PIAS1: variants seen among roughly 807,000 people sequenced by gnomAD.
PIAS1 encodes the protein E3 SUMO-protein ligase PIAS1.
Under a neutral mutation model 71.3 loss-of-function variants are expected in PIAS1, and 6 were observed. The observed-to-expected ratio is 0.08, with a 90% CI of 0.05 to 0.17. The LOEUF (loss-of-function observed/expected upper bound fraction) is 0.17. Among genes scored for constraint, PIAS1 ranks in the 10% least tolerant of loss-of-function variants. The probability of loss-of-function intolerance (pLI) is 1.00; values close to 1 mark genes in which losing one functional copy is unlikely to be tolerated. For missense variants in PIAS1, 555 were observed against 793.6 expected, an observed-to-expected ratio of 0.70 and a Z score of 3.61; for synonymous variants, 303 against 292.9, an observed-to-expected ratio of 1.03 and a Z score of -0.35.
intron 1 of PIAS1, among the ~76,000 whole-genome samples, chr15:68,080,204 T>C (rs1335060768): frequency 6.6e-6 from 1 of 152,174 alleles, no homozygotes; most frequent in Non-Finnish European, 1.5e-5. Context: ...TCATGAAATG[T>C]GGTAGTATAT....
Position 68,086,956 on chromosome 15 carries a change from G to T in PIAS1, c.469+206G>T, listed in dbSNP as rs2092288628. Among the ~76,000 whole-genome samples, 1 of 152,104 alleles carries T rather than the reference G, an allele frequency of 6.6e-6. No individual in the cohort carries two copies. Among genetic ancestry groups the T allele is most frequent in the African/African-American group, 2.4e-5 (1 of 41,404 alleles). On this transcript the variant is annotated intron_variant, in intron 2 of 13. Transcript: ENST00000249636. The surrounding 1 kb of genome is among the most constrained non-coding windows in gnomAD (Gnocchi z 7.2). ...AAAAGGTAGTATAGTGATGGTTACT[G>T]ACAAAGTAAATATTAAAAAGTTTCA...
At chr15:68,175,561 GAATA>G in intron 9 of PIAS1, 72 bp from the exon 10 acceptor site, 1 of 716,924 alleles carries the variant, frequency 1.4e-6, no homozygotes, top group Non-Finnish European at 2.0e-6. Flanking sequence ...TAGATTTTAA[GAATA>G]AATATAACTT....
intron 2 of PIAS1, among the ~76,000 whole-genome samples, chr15:68,093,457 A>C (rs1052233560): frequency 3.3e-5 from 5 of 152,206 alleles, no homozygotes; most frequent in African/African-American, 1.2e-4. Flanking sequence ...TGTTCTATAA[A>C]GGGAATGGAG....
intron 4 of PIAS1, among the ~76,000 whole-genome samples, chr15:68,143,680 G>A (rs1224670944): frequency 2.6e-5 from 4 of 152,048 alleles, no homozygotes; most frequent in African/African-American, 9.7e-5. Flanking sequence ...TTTACTTCCT[G>A]CCTCAACAGT....
chr15:68,178,790 T>C lies in PIAS1; in HGVS notation c.1481+2136T>C, dbSNP rs2093035418. On this transcript the variant is annotated intron_variant, in intron 11 of 13. Transcript: ENST00000249636. This position sits in a 1 kb window ranked among gnomAD's most constrained non-coding sequence, Gnocchi z 4.2. ...TAAACTATGCAATAGTATTACTGAC[T>C]ATATATTTTTTCTTTAAAGAAAACA... Among the ~76,000 whole-genome samples the C allele has an allele frequency of 6.6e-6, 1 of 150,786 alleles. No individual in the cohort carries two copies. The highest frequency in any genetic ancestry group is 2.5e-5 in the African/African-American group (1 of 40,312).
At chr15:68,128,582 A>T (rs991055584) in intron 2 of PIAS1, among the ~76,000 whole-genome samples, 8 of 152,154 alleles carry the variant, frequency 5.3e-5, no homozygotes, top group Non-Finnish European at 8.8e-5. Flanking sequence ...TCTAAAAAAA[A>T]ATTTTTTTTG....
chr15:68,174,948 G>C lies in PIAS1; in HGVS notation c.1170-689G>C, dbSNP rs1030098104. Among the ~76,000 whole-genome samples the C allele has an allele frequency of 6.6e-6, 1 of 152,056 alleles. No homozygotes were observed. Among genetic ancestry groups the C allele is most frequent in the African/African-American group, 2.4e-5 (1 of 41,390 alleles). On this transcript the variant is annotated intron_variant, in intron 9 of 13. Transcript: ENST00000249636. This position sits in a 1 kb window ranked among gnomAD's most constrained non-coding sequence, Gnocchi z 4.0. Reference sequence around the variant, plus strand: ...ATAGTGATATTTTCCAACTTTATATGTTACATAGCTTTAGGTTCTCCCATT... The same window carrying C: ...ATAGTGATATTTTCCAACTTTATATCTTACATAGCTTTAGGTTCTCCCATT...
chr15:68,130,178 G>C (rs2092680293), intron 2 of PIAS1, among the ~76,000 whole-genome samples: 1 of 151,504 alleles, frequency 6.6e-6, no homozygotes, highest in Non-Finnish European at 1.5e-5. Context: ...TAAAAATAAA[G>C]ATTTTTTAAA....
At chr15:68,176,137 G>T (rs2093018815) in intron 10 of PIAS1, among the ~76,000 whole-genome samples, 2 of 151,970 alleles carry the variant, frequency 1.3e-5, no homozygotes, top group Non-Finnish European at 2.9e-5. Context: ...AAGACACTAT[G>T]AGTTTTGAAA....
At chr15:68,155,482 T>C (rs2092882801) in intron 7 of PIAS1, among the ~76,000 whole-genome samples, 1 of 122,218 alleles carries the variant, frequency 8.2e-6, no homozygotes, top group African/African-American at 2.7e-5. Flanking sequence ...ACCAAAAACT[T>C]TCCCAACAAA....
At chr15:68,069,986 G>T (rs1231059149) in intron 1 of PIAS1, among the ~76,000 whole-genome samples, 3 of 152,160 alleles carry the variant, frequency 2.0e-5, no homozygotes, top group Admixed American at 6.5e-5. Context: ...TAAATGCATT[G>T]TTAAAGTTTA....
chr15:68,107,316 C>G (rs1355432460), intron 2 of PIAS1, among the ~76,000 whole-genome samples: 1 of 152,186 alleles, frequency 6.6e-6, no homozygotes, highest in Non-Finnish European at 1.5e-5. Context: ...CACTTCCTAT[C>G]ACCTCACTCT....
At chr15:68,103,875 T>G (rs1403555645) in intron 2 of PIAS1, among the ~76,000 whole-genome samples, 2 of 152,256 alleles carry the variant, frequency 1.3e-5, no homozygotes, top group African/African-American at 4.8e-5. Flanking sequence ...CTGAGTTGTT[T>G]CCACTTTTTG....
chr15:68,179,649 C>G (rs2093042245), intron 11 of PIAS1, among the ~76,000 whole-genome samples: 1 of 137,736 alleles, frequency 7.3e-6, no homozygotes, highest in Non-Finnish European at 1.5e-5. Flanking sequence ...CATCTTGGCT[C>G]ACCACACCCT....
chr15:68,142,848 A>G (rs560604875), intron 4 of PIAS1, among the ~76,000 whole-genome samples: 4 of 152,176 alleles, frequency 2.6e-5, no homozygotes, highest in African/African-American at 9.6e-5. Context: ...ACAAACATCA[A>G]AATATTCTAA....
intron 2 of PIAS1, among the ~76,000 whole-genome samples, chr15:68,130,889 T>C (rs1356492058): frequency 6.6e-6 from 1 of 152,176 alleles, no homozygotes; most frequent in Non-Finnish European, 1.5e-5. Flanking sequence ...GATGTAATAA[T>C]AGCTAACATT....
Position 68,128,195 on chromosome 15 carries a change from TCA to T in PIAS1, c.470-13749_470-13748del, listed in dbSNP as rs557365839. 1.5e-3 allele frequency among the ~76,000 whole-genome samples: 226 copies of T among 152,324 alleles called. 4 individuals carry two copies. The highest frequency in any genetic ancestry group is 5.2e-3 in the African/African-American group (215 of 41,572). On this transcript the variant is annotated intron_variant, in intron 2 of 13. Transcript: ENST00000249636. ...TTTACTTATTTTTTGAGATAGGGAC[TCA>T]CTCTGCCGCCCATACTAGAGTGCAG...
At chr15:68,159,670 T>C (rs1313658349) in intron 7 of PIAS1, among the ~76,000 whole-genome samples, 1 of 152,206 alleles carries the variant, frequency 6.6e-6, no homozygotes, top group Non-Finnish European at 1.5e-5. Context: ...ATTTATGTAC[T>C]ATAATTTATC....
At chr15:68,160,274 A>C (rs1233958176) in intron 7 of PIAS1, among the ~76,000 whole-genome samples, 2 of 152,084 alleles carry the variant, frequency 1.3e-5, no homozygotes, top group Admixed American at 6.6e-5. Context: ...ATTCATTTTG[A>C]GTTAATTTTT....
Sources: allele counts gnomAD v4.1 joint callset (sites outside exome capture counted in the v4.1 genomes callset), GRCh38; gene constraint gnomAD v4.1.1; non-coding constraint Gnocchi (gnomAD v3.1); transcripts MANE v1.5; gene names NCBI Gene and HGNC (gene_info 2026-07-23, HGNC 2026-07-21).